The following ZPBP variants were observed in gnomAD, a reference collection of about 807,000 sequenced individuals.
The protein encoded by ZPBP is zona pellucida-binding protein 1.
A neutral mutation model predicts 44.8 loss-of-function variants in ZPBP; 26 were observed. That is an observed-to-expected ratio of 0.58 (90% confidence interval 0.43 to 0.81). ZPBP has a LOEUF of 0.81. Ranked by LOEUF, ZPBP falls within the 30% of genes least tolerant of loss-of-function variation. The probability of loss-of-function intolerance (pLI) is 0.00; values close to 1 mark genes in which losing one functional copy is unlikely to be tolerated. For missense variants in ZPBP, 409 were observed against 434.0 expected (o/e 0.94, Z 0.51); for synonymous variants, 174 against 153.2 (o/e 1.14, Z -1.00).
At chr7:49,859,209 G>T (rs371343843) in intron 2 of ZPBP, among the ~76,000 whole-genome samples, 1 of 152,266 alleles carries the variant, frequency 6.6e-6, no homozygotes, top group African/African-American at 2.4e-5. Context: ...TTCTTTAAGG[G>T]TTTTATATAT....
intron 7 of ZPBP, among the ~76,000 whole-genome samples, chr7:49,975,205 G>A (rs1796453867): frequency 1.3e-5 from 2 of 152,140 alleles, no homozygotes; most frequent in African/African-American, 2.4e-5. Flanking sequence ...AGGCCAGAGT[G>A]CCAATCCCCA....
intron 4 of ZPBP, among the ~76,000 whole-genome samples, chr7:50,038,115 C>T (rs1003533645): frequency 7.2e-5 from 11 of 152,116 alleles, no homozygotes; most frequent in Middle Eastern, 3.2e-3. Flanking sequence ...ATGATACCTA[C>T]GACTCCTGCT....
At chr7:49,844,328 G>T in the ZPBP span, among the ~76,000 whole-genome samples, 25 of 152,342 alleles carry the variant, frequency 1.6e-4, no homozygotes, top group South Asian at 3.5e-3. Flanking sequence ...ATTTGGAAAT[G>T]TCATTAAGTT....
At chr7:49,943,357 A>C (rs1794967137) in intron 7 of ZPBP, 1 of 339,044 alleles carries the variant, frequency 2.9e-6, no homozygotes, top group African/African-American at 2.2e-5. Flanking sequence ...CTGAACAGTC[A>C]ATGAAGCATA....
chr7:49,897,336 A>T (rs1352531137), intron 2 of ZPBP, among the ~76,000 whole-genome samples: 1 of 152,216 alleles, frequency 6.6e-6, no homozygotes, highest in Non-Finnish European at 1.5e-5. Flanking sequence ...AAAACCAAAG[A>T]CAGTGAAAAA....
chr7:49,992,158 G>A (rs544351028), intron 6 of ZPBP, among the ~76,000 whole-genome samples: 2 of 152,136 alleles, frequency 1.3e-5, no homozygotes, highest in East Asian at 1.9e-4. Flanking sequence ...TGACTTCTTA[G>A]ACCAAAGTGG....
At chr7:49,944,402 T>C (rs1434433583) in intron 7 of ZPBP, 2 of 194,022 alleles carry the variant, frequency 1.0e-5, no homozygotes, top group Non-Finnish European at 1.0e-5. Context: ...ATCGAAGAGG[T>C]TGATGATGCA....
intron 3 of ZPBP, among the ~76,000 whole-genome samples, chr7:50,066,757 T>C (rs796748724): frequency 1.3e-5 from 2 of 152,188 alleles, no homozygotes; most frequent in East Asian, 3.8e-4. Flanking sequence ...CGGGATGTGA[T>C]TAGAGCAGAG....
chr7:49,992,608 T>C, intron 6 of ZPBP, among the ~76,000 whole-genome samples: 1 of 152,142 alleles, frequency 6.6e-6, no homozygotes. Flanking sequence ...GAGAAATCAA[T>C]GAGAAAATCC....
intron 5 of ZPBP, among the ~76,000 whole-genome samples, chr7:50,020,927 T>C (rs2128807096): frequency 6.6e-6 from 1 of 152,200 alleles, no homozygotes; most frequent in Middle Eastern, 3.4e-3. Flanking sequence ...TAAATATGTG[T>C]ATGTAACAAA....
intron 4 of ZPBP, among the ~76,000 whole-genome samples, chr7:50,057,634 G>A (rs548887578): frequency 6.6e-6 from 1 of 152,230 alleles, no homozygotes; most frequent in East Asian, 1.9e-4. Flanking sequence ...CTGTTTTGGG[G>A]GATGGCAGTG....
intron 5 of ZPBP, among the ~76,000 whole-genome samples, chr7:50,029,600 T>C (rs1482862822): frequency 1.3e-5 from 2 of 152,290 alleles, no homozygotes; most frequent in African/African-American, 2.4e-5. Context: ...TTGGAATATA[T>C]AAAGAACTCT....
intron 7 of ZPBP, chr7:49,940,654 CAA>C (rs11288687): frequency 2.3e-3 from 1,075 of 468,142 alleles, no homozygotes; most frequent in Non-Finnish European, 2.6e-3. Flanking sequence ...GTTCTGAATC[CAA>C]AAAAAAAAAA....
chr7:49,921,392 GTA>G (rs1440111248), intron 1 of ZPBP: 10 of 152,212 alleles, frequency 6.6e-5, no homozygotes, highest in Admixed American at 2.0e-4. Flanking sequence ...TATATCATAA[GTA>G]TTCTCAATAA....
At chr7:49,938,817 C>A (rs544468858) in intron 7 of ZPBP, among the ~76,000 whole-genome samples, 1 of 152,238 alleles carries the variant, frequency 6.6e-6, no homozygotes, top group South Asian at 2.1e-4. Context: ...CTTTTTCTAG[C>A]ATCATGATTC....
At chr7:49,879,937 C>T (rs1019078629) in intron 2 of ZPBP, among the ~76,000 whole-genome samples, 1 of 152,026 alleles carries the variant, frequency 6.6e-6, no homozygotes, top group Non-Finnish European at 1.5e-5. Flanking sequence ...ACAGGTTTTC[C>T]AGTGTTTATT....
intron 5 of ZPBP, among the ~76,000 whole-genome samples, chr7:50,022,686 A>C (rs1241280070): frequency 6.6e-6 from 1 of 152,084 alleles, no homozygotes; most frequent in Non-Finnish European, 1.5e-5. Context: ...ATCAACAACA[A>C]AAAAATCCGC....
chr7:50,029,167 A>G (rs187611167), intron 5 of ZPBP, among the ~76,000 whole-genome samples: 2 of 152,336 alleles, frequency 1.3e-5, no homozygotes, highest in East Asian at 1.9e-4. Flanking sequence ...TTGAGAGTTC[A>G]GAGATAAGCC....
At chr7:50,023,501 CCAGA>C (rs1008319032) in intron 5 of ZPBP, among the ~76,000 whole-genome samples, 10 of 151,814 alleles carry the variant, frequency 6.6e-5, no homozygotes, top group Admixed American at 1.3e-4. Context: ...AGCCCAAATC[CCAGA>C]CAGATAAACA....
Sources: gnomAD v4.1 joint callset for allele counts (sites outside exome capture counted in the v4.1 genomes callset) on GRCh38, gnomAD v4.1.1 for gene constraint, MANE v1.5 for transcripts, NCBI Gene and HGNC (gene_info 2026-07-23, HGNC 2026-07-21) for gene names.